Variants in FAT4 observed in about 807,000 individuals in gnomAD.
FAT4 encodes the protein FAT atypical cadherin 4.
FAT4 carries 84 observed loss-of-function variants against 303.9 expected under a neutral mutation model. The observed-to-expected ratio is 0.28, with a 90% CI of 0.23 to 0.33. FAT4 has a LOEUF of 0.33. FAT4 is among the 10% of genes least tolerant of loss of function. The pLI is 1.00. For synonymous variants in FAT4, 2,307 were observed against 2,298.8 expected (o/e 1.00, Z -0.10); for missense variants, 6,005 against 6,146.8 (o/e 0.98, Z 0.77).
intron 2 of FAT4, among the ~76,000 whole-genome samples, chr4:125,325,697 A>T (rs1301061825): frequency 6.6e-6 from 1 of 152,226 alleles, no homozygotes; most frequent in East Asian, 1.9e-4. Flanking sequence ...TCTAGATTTG[A>T]TAAAATTAAT....
chr4:125,344,182 G>T lies in FAT4; in HGVS notation c.5175+22596G>T, dbSNP rs117296456. Among the ~76,000 whole-genome samples, 734 of 152,236 alleles carry T rather than the reference G, an allele frequency of 4.8e-3. 31 individuals carry two copies. In the South Asian group the frequency reaches 0.074, roughly 15 times the overall value. ...GAGATTGCATTTGGATTTCGAATAA[G>T]ATTATCTCCTTTATACATCTATTCT... is the stretch of plus-strand genomic sequence containing the variant. On this transcript the variant is annotated intron_variant, in intron 2 of 17. Transcript: ENST00000394329.
intron 12 of FAT4, among the ~76,000 whole-genome samples, chr4:125,471,079 G>A (rs368292160): frequency 6.6e-6 from 1 of 152,182 alleles, no homozygotes; most frequent in Non-Finnish European, 1.5e-5. Flanking sequence ...CCTGAGGATA[G>A]GTAGAGAGAC....
chr4:125,376,921 A>G (rs1437790280), intron 2 of FAT4, among the ~76,000 whole-genome samples: 2 of 152,130 alleles, frequency 1.3e-5, no homozygotes, highest in Non-Finnish European at 2.9e-5. Context: ...AAATAACAAA[A>G]TAGAAGAAAT....
chr4:125,333,655 C>T (rs1324477504), intron 2 of FAT4, among the ~76,000 whole-genome samples: 1 of 152,018 alleles, frequency 6.6e-6, no homozygotes, highest in Non-Finnish European at 1.5e-5. Flanking sequence ...GTAGCTTAAT[C>T]CTTAAGGAGA....
intron 3 of FAT4, among the ~76,000 whole-genome samples, chr4:125,401,087 C>T (rs2126014626): frequency 6.6e-6 from 1 of 152,122 alleles, no homozygotes; most frequent in Admixed American, 6.6e-5. Flanking sequence ...GGGGGCATTT[C>T]AGGAAAACTA....
chr4:125,372,187 AAAAAAG>A (rs1205518045), intron 2 of FAT4, among the ~76,000 whole-genome samples: 1 of 151,908 alleles, frequency 6.6e-6, no homozygotes, highest in African/African-American at 2.4e-5. Flanking sequence ...TCTCCACCAA[AAAAAAG>A]AAAAAAGAAA....
chr4:125,319,277 G>A lies in FAT4; in HGVS notation c.2866G>A (p.Asp956Asn). Reference protein sequence around the residue: ...NGTISLLGPLDVHAGSYQIEI... With the variant: ...NGTISLLGPLNVHAGSYQIEI... The stretch of plus-strand genomic sequence containing the variant: ...CACTATTAGTCTGCTTGGGCCCCTG[G>A]ATGTTCATGCTGGCTCCTACCAAAT... Residue 956 changes from aspartate to asparagine, a missense_variant, in exon 2 of 18, where the codon GAT becomes AAT. Physicochemically the swap from Asp to Asn is conservative, Grantham distance 23. Transcript: ENST00000394329. 1 of 1,614,130 alleles carries A rather than the reference G, an allele frequency of 6.2e-7. No homozygotes were observed. Among genetic ancestry groups the A allele is most frequent in the Non-Finnish European group, 8.5e-7 (1 of 1,180,024 alleles).
At chr4:125,388,589 T>G (rs1733855123) in intron 2 of FAT4, among the ~76,000 whole-genome samples, 1 of 152,198 alleles carries the variant, frequency 6.6e-6, no homozygotes, top group African/African-American at 2.4e-5. Flanking sequence ...ACCACACATA[T>G]TTTAACTTGA....
intron 2 of FAT4, among the ~76,000 whole-genome samples, chr4:125,365,306 G>A (rs1210857659): frequency 1.3e-5 from 2 of 152,170 alleles, no homozygotes; most frequent in Non-Finnish European, 2.9e-5. Context: ...ATTAAAATTT[G>A]CATTTGGAGT....
At chr4:125,343,738 A>T (rs1731888209) in intron 2 of FAT4, among the ~76,000 whole-genome samples, 2 of 152,180 alleles carry the variant, frequency 1.3e-5, no homozygotes, top group Admixed American at 1.3e-4. Flanking sequence ...GTGGAAGAGG[A>T]TACAAAGTAA....
Position 125,492,146 on chromosome 4 carries a change from A to G in FAT4, c.*378A>G, listed in dbSNP as rs1273220216. On this transcript the variant is annotated 3_prime_UTR_variant, in exon 18 of 18. Transcript: ENST00000394329. Reference sequence around the variant, plus strand: ...GTATTGTTTCAACTGTATTATTATAATTATATTTTGCATTGCAAGATTCTT... The same window carrying G: ...GTATTGTTTCAACTGTATTATTATAGTTATATTTTGCATTGCAAGATTCTT... 2 of 174,208 alleles carry G rather than the reference A, an allele frequency of 1.1e-5. No homozygotes were observed. Among genetic ancestry groups the G allele is most frequent in the Admixed American group, 5.5e-5 (1 of 18,192 alleles). 10.8% of individuals were successfully genotyped at this position (174,208 alleles called of 1,614,324 possible).
Position 125,449,760 on chromosome 4 carries a change from C to T in FAT4, c.8750C>T (p.Ser2917Leu). ...GTGTTTTATTTCATAAAATCCCAAT[C>T]AGAATATTTCAGGATTAATGCCACC... ...GQVFYFIKSQ[S>L]EYFRINATTG... is the part of the protein sequence containing the mutation. The change falls in exon 10 of 18, where the codon TCA becomes TTA. Residue 2917 changes from serine to leucine, a missense_variant. By Grantham distance (145) the Ser-to-Leu change is moderately radical (BLOSUM62 -2). Transcript: ENST00000394329. The T allele has an allele frequency of 6.2e-7, 1 of 1,613,688 alleles. No homozygotes were observed. The highest frequency in any genetic ancestry group is 1.1e-5 in the South Asian group (1 of 91,058).
At chr4:125,363,122 T>A (rs1166830419) in intron 2 of FAT4, among the ~76,000 whole-genome samples, 1 of 152,060 alleles carries the variant, frequency 6.6e-6, no homozygotes, top group Non-Finnish European at 1.5e-5. Flanking sequence ...TTCACAACAA[T>A]AAAAATTGTA....
At chr4:125,393,062 T>A (rs1734032946) in intron 2 of FAT4, among the ~76,000 whole-genome samples, 1 of 152,224 alleles carries the variant, frequency 6.6e-6, no homozygotes, top group African/African-American at 2.4e-5. Context: ...GTATGTTGAC[T>A]TGCAAATGAA....
At chr4:125,426,683 A>G (rs1725099571) in intron 7 of FAT4, among the ~76,000 whole-genome samples, 1 of 152,070 alleles carries the variant, frequency 6.6e-6, no homozygotes, top group South Asian at 2.1e-4. Flanking sequence ...CCAAAATTCC[A>G]TTGAATAAGA....
chr4:125,369,299 G>T (rs1335584487), intron 2 of FAT4, among the ~76,000 whole-genome samples: 1 of 152,072 alleles, frequency 6.6e-6, no homozygotes, highest in African/African-American at 2.4e-5. Context: ...AGTGAGTAAT[G>T]GCGCGTGCAT....
At chr4:125,399,421 T>C (rs1361197628) in intron 3 of FAT4, among the ~76,000 whole-genome samples, 3 of 152,012 alleles carry the variant, frequency 2.0e-5, no homozygotes, top group Admixed American at 6.6e-5. Flanking sequence ...ATTTTTCTTA[T>C]GAAAAAAACT....
At chr4:125,453,114 T>C (rs1726155867) in intron 10 of FAT4, among the ~76,000 whole-genome samples, 1 of 152,130 alleles carries the variant, frequency 6.6e-6, no homozygotes, top group African/African-American at 2.4e-5. Context: ...GTAATGTCAC[T>C]ATTCAAGTCT....
intron 5 of FAT4, among the ~76,000 whole-genome samples, chr4:125,412,810 C>T (rs537238796): frequency 2.4e-4 from 37 of 151,884 alleles, no homozygotes; most frequent in Non-Finnish European, 5.0e-4. Context: ...ATTTTATATG[C>T]TTCTCTAGAA....
Sources: gnomAD v4.1 joint callset for allele counts (sites outside exome capture counted in the v4.1 genomes callset) on GRCh38, gnomAD v4.1.1 for gene constraint, MANE v1.5 for transcripts, NCBI Gene and HGNC (gene_info 2026-07-23, HGNC 2026-07-21) for gene names.